The following PPFIA2 variants were observed in gnomAD, a reference collection of about 807,000 sequenced individuals.
PPFIA2 encodes PPFI scaffold protein A2.
PPFIA2 carries 46 observed loss-of-function variants against 175.5 expected under a neutral mutation model. The observed-to-expected ratio is 0.26, with a 90% CI of 0.21 to 0.34. The LOEUF is 0.34. PPFIA2 is among the 10% of genes least tolerant of loss of function. The pLI is 1.00. For synonymous variants in PPFIA2, 568 were observed against 511.4 expected (o/e 1.11, Z -1.49); for missense variants, 1,179 against 1,506.1 (o/e 0.78, Z 3.60).
intron 8 of PPFIA2, among the ~76,000 whole-genome samples, chr12:81,390,324 T>C (rs922423060): frequency 2.0e-5 from 3 of 152,032 alleles, no homozygotes; most frequent in South Asian, 2.1e-4. Context: ...ATGGACCATA[T>C]GACAATTCTA....
At chr12:81,680,090 T>C (rs1216635603) in intron 3 of PPFIA2, among the ~76,000 whole-genome samples, 2 of 151,974 alleles carry the variant, frequency 1.3e-5, no homozygotes, top group Non-Finnish European at 2.9e-5. Flanking sequence ...AGTATAAACA[T>C]TGACTTCCTA....
chr12:81,459,592 G>A (rs1036812997), intron 4 of PPFIA2, among the ~76,000 whole-genome samples: 9 of 152,060 alleles, frequency 5.9e-5, no homozygotes, highest in African/African-American at 1.9e-4. Flanking sequence ...TTTTACAATG[G>A]AGAAATATGT....
At chr12:81,427,163 A>G (rs1182928582) in intron 7 of PPFIA2, among the ~76,000 whole-genome samples, 1 of 152,074 alleles carries the variant, frequency 6.6e-6, no homozygotes, top group Non-Finnish European at 1.5e-5. Flanking sequence ...GATTCAAATT[A>G]CTGAAAGATG....
intron 2 of PPFIA2, among the ~76,000 whole-genome samples, chr12:81,756,549 A>G: frequency 6.6e-6 from 1 of 151,890 alleles, no homozygotes; most frequent in Admixed American, 6.5e-5. Flanking sequence ...AAGTCTATTA[A>G]ATCTACACTC....
intron 22 of PPFIA2, among the ~76,000 whole-genome samples, chr12:81,321,892 C>T (rs1424952805): frequency 6.6e-6 from 1 of 152,184 alleles, no homozygotes; most frequent in Non-Finnish European, 1.5e-5. Context: ...TCATTCCATA[C>T]AGTGTAATTG....
chr12:81,456,740 GT>G (rs1160282794), intron 5 of PPFIA2, among the ~76,000 whole-genome samples: 3 of 151,874 alleles, frequency 2.0e-5, no homozygotes, highest in African/African-American at 4.8e-5. Flanking sequence ...ATAAAATTTA[GT>G]GATTTTTTTT....
chr12:81,382,696 C>T (rs1254433916), intron 9 of PPFIA2, among the ~76,000 whole-genome samples: 1 of 152,070 alleles, frequency 6.6e-6, no homozygotes, highest in African/African-American at 2.4e-5. Context: ...AGGAAGACTG[C>T]AGGAGGGTCT....
intron 5 of PPFIA2, among the ~76,000 whole-genome samples, chr12:81,447,023 G>A (rs2051416275): frequency 6.6e-6 from 1 of 152,008 alleles, no homozygotes; most frequent in African/African-American, 2.4e-5. Context: ...TAATCGCCGG[G>A]CACAGTGGCT....
intron 4 of PPFIA2, among the ~76,000 whole-genome samples, chr12:81,617,667 TC>T (rs2061543362): frequency 6.6e-6 from 1 of 152,196 alleles, no homozygotes; most frequent in South Asian, 2.1e-4. Context: ...CTCTCTGTCC[TC>T]ACTTTATTTC....
chr12:81,617,924 A>G (rs1344269931), intron 4 of PPFIA2, among the ~76,000 whole-genome samples: 1 of 152,228 alleles, frequency 6.6e-6, no homozygotes, highest in Non-Finnish European at 1.5e-5. Context: ...CAGTGGGGAA[A>G]GGAAAATGAG....
chr12:81,605,837 T>A (rs1165158011), intron 4 of PPFIA2, among the ~76,000 whole-genome samples: 1 of 151,972 alleles, frequency 6.6e-6, no homozygotes, highest in Non-Finnish European at 1.5e-5. Flanking sequence ...ATCCTGAGTT[T>A]ACTCTATGAT....
chr12:81,344,857 C>T, intron 18 of PPFIA2, 164 bp from the exon 19 acceptor site: 2 of 523,780 alleles, frequency 3.8e-6, no homozygotes, highest in Non-Finnish European at 6.8e-6. Flanking sequence ...AAGCACTCCG[C>T]CTGGTAGTTA....
At chr12:81,597,178 C>T (rs1740189843) in intron 4 of PPFIA2, among the ~76,000 whole-genome samples, 1 of 151,884 alleles carries the variant, frequency 6.6e-6, no homozygotes, top group African/African-American at 2.4e-5. Context: ...GATGATATGA[C>T]TGAATTACAA....
chr12:81,648,607 C>T (rs192951683), intron 4 of PPFIA2, among the ~76,000 whole-genome samples: 1 of 151,912 alleles, frequency 6.6e-6, no homozygotes, highest in East Asian at 1.9e-4. Flanking sequence ...CGGTGACTCT[C>T]ATGCAGGGTT....
At chr12:81,619,807 G>C (rs979980022) in intron 4 of PPFIA2, among the ~76,000 whole-genome samples, 23 of 152,058 alleles carry the variant, frequency 1.5e-4, no homozygotes, top group African/African-American at 5.6e-4. Flanking sequence ...TAATATTCAC[G>C]ATACTAAATA....
chr12:81,315,484 A>T (rs1459340963), intron 22 of PPFIA2, among the ~76,000 whole-genome samples: 2 of 151,766 alleles, frequency 1.3e-5, no homozygotes, highest in Non-Finnish European at 3.0e-5. Flanking sequence ...GCACTGGAAA[A>T]GGATAGAGGT....
intron 22 of PPFIA2, among the ~76,000 whole-genome samples, chr12:81,310,771 T>A (rs1024507514): frequency 2.6e-5 from 4 of 152,148 alleles, no homozygotes; most frequent in Admixed American, 6.5e-5. Context: ...TTTTCTTAAT[T>A]CCTCAATATT....
intron 8 of PPFIA2, among the ~76,000 whole-genome samples, chr12:81,404,750 CTTGAAGG>C (rs1248498570): frequency 1.3e-5 from 2 of 152,126 alleles, no homozygotes; most frequent in African/African-American, 4.8e-5. Context: ...TGCTTTTCTA[CTTGAAGG>C]AAGAAACATA....
At chr12:81,349,026 C>T (rs1244128911) in intron 17 of PPFIA2, among the ~76,000 whole-genome samples, 2 of 152,074 alleles carry the variant, frequency 1.3e-5, no homozygotes, top group Non-Finnish European at 2.9e-5. Context: ...AATTTATTTG[C>T]TAAATTTATT....
Sources: allele counts gnomAD v4.1 joint callset (sites outside exome capture counted in the v4.1 genomes callset), GRCh38; gene constraint gnomAD v4.1.1; transcripts MANE v1.5; gene names NCBI Gene and HGNC (gene_info 2026-07-23, HGNC 2026-07-21).